The following ATG7 variants were observed in gnomAD, a reference collection of about 807,000 sequenced individuals.
The protein encoded by ATG7 is autophagy related 7, also known as ubiquitin-like modifier-activating enzyme ATG7.
A neutral mutation model predicts 82.4 loss-of-function variants in ATG7; 70 were observed. That is an observed-to-expected ratio of 0.85 (90% confidence interval 0.70 to 1.04). ATG7 has a LOEUF of 1.04. Ranked by LOEUF, ATG7 falls within the 50% of genes least tolerant of loss-of-function variation. ATG7 has a pLI of 0.00. For missense variants in ATG7, 792 were observed against 864.3 expected, an observed-to-expected ratio of 0.92 and a Z score of 1.05; for synonymous variants, 287 against 313.0, an observed-to-expected ratio of 0.92 and a Z score of 0.88.
In ATG7 at chr3:11,408,669, CAA is replaced by C. The variant is rs775975703; in HGVS notation, c.1957-18133_1957-18132del. ...CACATCTTACATGGATGGCAGCGGG[CAA>C]AGAGAGAGCTTGTACAGGGGAACGC... is the stretch of plus-strand genomic sequence containing the variant. On this transcript the variant is annotated intron_variant, in intron 19 of 20. Transcript: ENST00000693202. Among the ~76,000 whole-genome samples the C allele has an allele frequency of 4.6e-5, 7 of 152,146 alleles. 1 individual carries two copies. The highest frequency in any genetic ancestry group is 7.3e-5 in the Non-Finnish European group (5 of 68,032).
downstream of ATG7, among the ~76,000 whole-genome samples, chr3:11,559,619 CCA>C (rs1051084763): frequency 2.0e-4 from 30 of 152,366 alleles, no homozygotes; most frequent in African/African-American, 6.0e-4. Context: ...CACAGCCAAT[CCA>C]CAGAGTGAGC....
intron 20 of ATG7, among the ~76,000 whole-genome samples, chr3:11,548,762 C>G (rs1435161122): frequency 1.3e-5 from 2 of 151,408 alleles, no homozygotes; most frequent in African/African-American, 4.9e-5. Context: ...ATGGTTTAGT[C>G]AGCTGGTTCC....
In ATG7 at chr3:11,430,578, C is replaced by CATT. The variant is rs1467489319; in HGVS notation, c.2079+3655_2079+3657dup. ...ACTAGATAATTATATGTGACATTAC[C>CATT]ATTATATACTTTGTTTATAAAATAC... is the stretch of plus-strand genomic sequence containing the variant. On this transcript the variant is annotated intron_variant, in intron 20 of 20. Coordinates refer to ENST00000693202, the MANE Select transcript of ATG7 (RefSeq NM_001349232.2). 3.2e-4 allele frequency among the ~76,000 whole-genome samples: 48 copies of CATT among 152,170 alleles called. 2 individuals carry two copies. The Middle Eastern group carries it at 0.02, about 65-fold the overall frequency.
intron 20 of ATG7, among the ~76,000 whole-genome samples, chr3:11,539,770 C>A (rs2070674018): frequency 6.6e-6 from 1 of 152,194 alleles, no homozygotes; most frequent in South Asian, 2.1e-4. Context: ...TAAAAGTGCA[C>A]ATTTCTGAGC....
At chr3:11,338,962 G>A (rs1181814568) in intron 11 of ATG7, among the ~76,000 whole-genome samples, 1 of 152,066 alleles carries the variant, frequency 6.6e-6, no homozygotes, top group Non-Finnish European at 1.5e-5. Flanking sequence ...GGAAAATTGT[G>A]ATCTTGATAG....
chr3:11,568,870 G>A, the ATG7 span: 1 of 1,361,248 alleles, frequency 7.3e-7, no homozygotes, highest in Non-Finnish European at 9.5e-7. The surrounding 1 kb of genome is among the most constrained non-coding windows in gnomAD (Gnocchi z 5.9). Context: ...GAGCCGCTGA[G>A]GCTGCACGGC....
Position 11,498,264 on chromosome 3 carries a change from T to C in ATG7, c.2080-56547T>C, listed in dbSNP as rs531650262. Among the ~76,000 whole-genome samples the C allele has an allele frequency of 7.2e-5, 11 of 152,328 alleles. No individual in the cohort carries two copies. The South Asian group carries it at 2.3e-3, about 32-fold the overall frequency. On this transcript the variant is annotated intron_variant, in intron 20 of 20. Transcript: ENST00000693202. ...TGATTCCAGTGTGCCCCTATTAGAATTCCAAAACAGCAATCTTCCCAGCAC... is the reference window on the plus strand; with the variant it reads ...TGATTCCAGTGTGCCCCTATTAGAACTCCAAAACAGCAATCTTCCCAGCAC...
At chr3:11,552,122 A>G (rs1559831837) in intron 20 of ATG7, among the ~76,000 whole-genome samples, 2 of 152,190 alleles carry the variant, frequency 1.3e-5, no homozygotes, top group Admixed American at 6.5e-5. Flanking sequence ...TGTCAATTTT[A>G]TATCTTGCTC....
rs897311861 is a variant in ATG7 at position 11,351,866 on chromosome 3, T to C, written c.1284+3831T>C. The stretch of plus-strand genomic sequence containing the variant: ...AGTATAGTTTCTTTTTTTTTTTTTA[T>C]TATACTTTAAGTTCTAGGGTACATG... On this transcript the variant is annotated intron_variant, in intron 14 of 20. Transcript: ENST00000693202. Among the ~76,000 whole-genome samples the C allele has an allele frequency of 8.1e-5, 12 of 148,808 alleles. No individual in the cohort carries two copies. The East Asian group carries it at 2.4e-3, about 29-fold the overall frequency.
At chr3:11,325,507 A>G (rs916612854) in intron 9 of ATG7, among the ~76,000 whole-genome samples, 1 of 152,136 alleles carries the variant, frequency 6.6e-6, no homozygotes, top group Non-Finnish European at 1.5e-5. Flanking sequence ...TTCTGTCTCT[A>G]CTAAAAATAC....
At chr3:11,340,556 G>A in intron 11 of ATG7, 89 bp from the exon 12 acceptor site, 2 of 1,168,524 alleles carry the variant, frequency 1.7e-6, no homozygotes, top group Non-Finnish European at 2.5e-6. Context: ...CATTATGAAT[G>A]TCGATCTTTT....
intron 19 of ATG7, among the ~76,000 whole-genome samples, chr3:11,380,531 C>T (rs973829351): frequency 6.6e-6 from 1 of 152,134 alleles, no homozygotes; most frequent in Non-Finnish European, 1.5e-5. Flanking sequence ...TTGATCTTTC[C>T]AGAAGCTCTA....
At chr3:11,511,580 CCCGTA>C (rs2092058301) in intron 20 of ATG7, among the ~76,000 whole-genome samples, 1 of 152,234 alleles carries the variant, frequency 6.6e-6, no homozygotes, top group African/African-American at 2.4e-5. Flanking sequence ...GCCTGCCAGT[CCCGTA>C]CTGTGCGCTC....
intron 20 of ATG7, among the ~76,000 whole-genome samples, chr3:11,444,706 A>G (rs1486414358): frequency 6.6e-6 from 1 of 152,226 alleles, no homozygotes; most frequent in Non-Finnish European, 1.5e-5. Flanking sequence ...AACAAAAGCA[A>G]AAATTGACAA....
At chr3:11,343,957 T>C (rs1360830669) in intron 13 of ATG7, among the ~76,000 whole-genome samples, 4 of 152,224 alleles carry the variant, frequency 2.6e-5, no homozygotes, top group Admixed American at 6.5e-5. Context: ...ATGGTGTATC[T>C]CTTAATTAGA....
rs530564976 is a variant in ATG7, at chr3:11,557,304, G to A, written c.*2461G>A. On this transcript the variant is annotated 3_prime_UTR_variant, in exon 21 of 21. Coordinates refer to ENST00000693202, the MANE Select transcript of ATG7 (RefSeq NM_001349232.2). ...GTATACTGCCTTGGCCCCAGCGTACGAGGAAGCGTATAAAACACCATATCA... is the reference window on the plus strand; with the variant it reads ...GTATACTGCCTTGGCCCCAGCGTACAAGGAAGCGTATAAAACACCATATCA... 4.6e-5 allele frequency: 7 copies of A among 152,482 alleles called. No homozygotes were observed. The highest frequency in any genetic ancestry group is 3.8e-4 in the East Asian group (2 of 5,328). The allele number at this position is 152,482 out of a possible 1,614,324, so 9.4% of individuals were successfully genotyped here.
At chr3:11,545,028 G>C (rs2071156109) in intron 20 of ATG7, among the ~76,000 whole-genome samples, 1 of 152,214 alleles carries the variant, frequency 6.6e-6, no homozygotes, top group Non-Finnish European at 1.5e-5. Flanking sequence ...ACCCAGCGGA[G>C]CCAGCTGTGT....
chr3:11,303,272 C>CGT (rs1201195229), intron 5 of ATG7, among the ~76,000 whole-genome samples: 1 of 152,146 alleles, frequency 6.6e-6, no homozygotes, highest in South Asian at 2.1e-4. Flanking sequence ...GACTGGGAAG[C>CGT]GTGGAACCCA....
At chr3:11,518,532 C>T (rs914081283) in intron 20 of ATG7, among the ~76,000 whole-genome samples, 10 of 149,116 alleles carry the variant, frequency 6.7e-5, no homozygotes, top group Non-Finnish European at 1.3e-4. Context: ...GTCAACAGAG[C>T]GAGACACCCT....
Sources: gnomAD v4.1 joint callset for allele counts (sites outside exome capture counted in the v4.1 genomes callset) on GRCh38, gnomAD v4.1.1 for gene constraint, Gnocchi (gnomAD v3.1) non-coding constraint, MANE v1.5 for transcripts, NCBI Gene and HGNC (gene_info 2026-07-23, HGNC 2026-07-21) for gene names.